Variants in ARPP21 observed in about 807,000 individuals in gnomAD.
ARPP21 encodes cAMP-regulated phosphoprotein 21.
ARPP21 carries 69 observed loss-of-function variants against 113.2 expected under a neutral mutation model. That is an observed-to-expected ratio of 0.61 (90% CI 0.50 to 0.74). The LOEUF (loss-of-function observed/expected upper bound fraction) is 0.74, where lower values mean the gene tolerates loss of function less well. Among genes scored for constraint, ARPP21 ranks in the 30% least tolerant of loss-of-function variants. The pLI is 0.00. For missense variants in ARPP21, 1,070 were observed against 1,037.4 expected, an observed-to-expected ratio of 1.03 and a Z score of -0.43; for synonymous variants, 368 against 375.5, an observed-to-expected ratio of 0.98 and a Z score of 0.23.
intron 1 of ARPP21, among the ~76,000 whole-genome samples, chr3:35,649,998 A>G (rs1329272693): frequency 6.6e-6 from 1 of 152,128 alleles, no homozygotes; most frequent in East Asian, 1.9e-4. Context: ...ACTTCCATTC[A>G]CCCATCCACT....
At chr3:35,662,127 A>G (rs1253687537) in intron 1 of ARPP21, among the ~76,000 whole-genome samples, 1 of 152,192 alleles carries the variant, frequency 6.6e-6, no homozygotes, top group Non-Finnish European at 1.5e-5. Flanking sequence ...AATTCACACC[A>G]TTGGAAAGAA....
At chr3:35,785,884 A>G (rs2096622048) in intron 19 of ARPP21, among the ~76,000 whole-genome samples, 1 of 152,134 alleles carries the variant, frequency 6.6e-6, no homozygotes, top group Non-Finnish European at 1.5e-5. Flanking sequence ...CACTCCCTGC[A>G]GGTCATCCTG....
rs145480526 is a variant in ARPP21, at chr3:35,647,610, G to A, written c.-213+7212G>A. On this transcript the variant is annotated intron_variant, in intron 1 of 20. Coordinates refer to ENST00000684406, the MANE Select transcript of ARPP21 (RefSeq NM_001385562.1). The stretch of plus-strand genomic sequence containing the variant: ...TCCAGGGAAATAAGGGCTAAAAGTG[G>A]TGTATCTGAATCGCATTTTCTGTGA... Among the ~76,000 whole-genome samples the A allele has an allele frequency of 4.2e-3, 636 of 152,266 alleles. 4 individuals carry two copies. Among genetic ancestry groups the A allele is most frequent in the Non-Finnish European group, 7.7e-3 (521 of 68,016 alleles).
At chr3:35,681,912 T>C (rs1430098434) in intron 3 of ARPP21, 32 bp downstream of exon 3, 9 of 1,608,094 alleles carry the variant, frequency 5.6e-6, no homozygotes, top group East Asian at 2.2e-5. Flanking sequence ...CTGACTCTCA[T>C]ACAACTGTGT....
At chr3:35,735,049 T>A (rs1170937776) in intron 15 of ARPP21, among the ~76,000 whole-genome samples, 1 of 152,228 alleles carries the variant, frequency 6.6e-6, no homozygotes, top group Admixed American at 6.5e-5. Context: ...GAATATCGTA[T>A]GTACTTTTTT....
chr3:35,659,647 G>T lies in ARPP21; in HGVS notation c.-213+19249G>T, dbSNP rs777908117. Among the ~76,000 whole-genome samples the T allele has an allele frequency of 7.9e-5, 12 of 152,112 alleles. 1 individual carries two copies. Among genetic ancestry groups the T allele is most frequent in the Non-Finnish European group, 1.8e-4 (12 of 68,026 alleles). ...GAGACATCAAGGTGAACACAGAGGA[G>T]GAACAGATCATGAAAAGTGGGCGGT... On this transcript the variant is annotated intron_variant, in intron 1 of 20. Coordinates refer to ENST00000684406, the MANE Select transcript of ARPP21 (RefSeq NM_001385562.1).
intron 1 of ARPP21, among the ~76,000 whole-genome samples, chr3:35,672,800 A>T (rs776103517): frequency 6.6e-6 from 1 of 152,034 alleles, no homozygotes. Context: ...CAGCCAGCCA[A>T]CTTAACACTA....
At chr3:35,715,539 T>C in intron 12 of ARPP21, 63 bp downstream of exon 12, 1 of 1,308,170 alleles carries the variant, frequency 7.6e-7, no homozygotes. Context: ...GTGTCTTGTG[T>C]ATTCATAAAT....
chr3:35,740,857 G>C lies in ARPP21; in HGVS notation c.2010+1280G>C, dbSNP rs536713547. Among the ~76,000 whole-genome samples the C allele has an allele frequency of 8.5e-5, 13 of 152,132 alleles. 2 individuals are homozygous for C. In the East Asian group the frequency reaches 1.9e-3, roughly 23 times the overall value. Reference sequence around the variant, plus strand: ...TCAGACCTTTAACCCCTGCACTTTGGGGGGCTGAGGCAAAAGGACTACTTG... The same window carrying C: ...TCAGACCTTTAACCCCTGCACTTTGCGGGGCTGAGGCAAAAGGACTACTTG... On this transcript the variant is annotated intron_variant, in intron 18 of 20. Coordinates refer to ENST00000684406, the MANE Select transcript of ARPP21 (RefSeq NM_001385562.1).
chr3:35,782,861 TG>T (rs1440793621), intron 19 of ARPP21, among the ~76,000 whole-genome samples: 2 of 152,186 alleles, frequency 1.3e-5, no homozygotes, highest in Non-Finnish European at 2.9e-5. Context: ...CTGCCCAGCA[TG>T]GTGCTTCACT....
intron 1 of ARPP21, among the ~76,000 whole-genome samples, chr3:35,663,473 C>A (rs1332667345): frequency 6.6e-6 from 1 of 152,142 alleles, no homozygotes; most frequent in Admixed American, 6.5e-5. Flanking sequence ...TTTAAATGTG[C>A]ACAAAATGGA....
chr3:35,749,708 T>G (rs183471786), intron 19 of ARPP21, among the ~76,000 whole-genome samples: 10 of 152,284 alleles, frequency 6.6e-5, no homozygotes, highest in Admixed American at 1.3e-4. Context: ...TAAGATAATT[T>G]CTGGAGATTT....
chr3:35,695,459 G>A (rs1339906959), intron 9 of ARPP21, among the ~76,000 whole-genome samples: 1 of 151,520 alleles, frequency 6.6e-6, no homozygotes, highest in Non-Finnish European at 1.5e-5. Flanking sequence ...TATAGTTATA[G>A]TGGGGGAATA....
At chr3:35,720,958 C>G (rs1020996829) in intron 13 of ARPP21, among the ~76,000 whole-genome samples, 1 of 152,088 alleles carries the variant, frequency 6.6e-6, no homozygotes, top group African/African-American at 2.4e-5. Context: ...AGTTTTTCTA[C>G]GTGAAAATAA....
chr3:35,670,379 A>C (rs2076021951), intron 1 of ARPP21, among the ~76,000 whole-genome samples: 1 of 152,076 alleles, frequency 6.6e-6, no homozygotes, highest in Admixed American at 6.6e-5. Context: ...TTGTTTAAAA[A>C]GGAAAAAAAA....
In ARPP21 at chr3:35,733,319, A is replaced by G. The variant is rs188957154; in HGVS notation, c.1459+3783A>G. On this transcript the variant is annotated intron_variant, in intron 15 of 20. Coordinates refer to ENST00000684406, the MANE Select transcript of ARPP21 (RefSeq NM_001385562.1). ...CATTATGCATGTTGATGTGGATAGT[A>G]AAGCAGTTTTTCACCTAATGTCATA... 5.1e-4 allele frequency among the ~76,000 whole-genome samples: 78 copies of G among 152,274 alleles called. No homozygotes were observed. In the Middle Eastern group the frequency reaches 0.027, roughly 53 times the overall value.
At chr3:35,792,669 C>A in intron 20 of ARPP21, 139 bp downstream of exon 20, 1 of 722,874 alleles carries the variant, frequency 1.4e-6, no homozygotes, top group Non-Finnish European at 2.4e-6. Flanking sequence ...TACTTTGAAT[C>A]AAGATTATAA....
chr3:35,708,545 T>C (rs1048303213), intron 10 of ARPP21, among the ~76,000 whole-genome samples: 12 of 152,264 alleles, frequency 7.9e-5, no homozygotes, highest in African/African-American at 2.7e-4. Context: ...TTCAAAATGA[T>C]TTCTTCCCTC....
intron 16 of ARPP21, among the ~76,000 whole-genome samples, chr3:35,737,858 C>T (rs1188288653): frequency 2.0e-5 from 3 of 152,208 alleles, no homozygotes; most frequent in Admixed American, 2.0e-4. Flanking sequence ...TGGGAAGACA[C>T]AGATGCGTCC....
Sources: gnomAD v4.1 joint callset for allele counts (sites outside exome capture counted in the v4.1 genomes callset) on GRCh38, gnomAD v4.1.1 for gene constraint, MANE v1.5 for transcripts, NCBI Gene and HGNC (gene_info 2026-07-23, HGNC 2026-07-21) for gene names.